The following DOCK9 variants were observed in gnomAD, a reference collection of about 807,000 sequenced individuals.
DOCK9 encodes the protein dedicator of cytokinesis protein 9.
A neutral mutation model predicts 263.3 loss-of-function variants in DOCK9; 89 were observed. The ratio of observed to expected loss-of-function variants is 0.34; its 90% CI spans 0.28 to 0.40. DOCK9 has a LOEUF of 0.40. DOCK9 is among the 10% of genes least tolerant of loss of function. The pLI, the probability that DOCK9 is intolerant of heterozygous loss-of-function variation, is 1.00. For missense variants in DOCK9, 2,140 were observed against 2,603.4 expected (o/e 0.82, Z 3.87); for synonymous variants, 976 against 973.1 (o/e 1.00, Z -0.06).
At chr13:99,080,066 C>G (rs1486683299) in intron 1 of DOCK9, among the ~76,000 whole-genome samples, 1 of 152,114 alleles carries the variant, frequency 6.6e-6, no homozygotes, top group African/African-American at 2.4e-5. Context: ...ACATAAATAT[C>G]CCTCTCCAGT....
intron 1 of DOCK9, among the ~76,000 whole-genome samples, chr13:99,085,780 T>C (rs1404208305): frequency 7.2e-6 from 1 of 139,448 alleles, no homozygotes; most frequent in Non-Finnish European, 1.5e-5. Context: ...GCAGACTGGA[T>C]GAGGAAGCCC....
intron 1 of DOCK9, among the ~76,000 whole-genome samples, chr13:98,988,660 T>A (rs1419058087): frequency 2.0e-5 from 3 of 152,244 alleles, no homozygotes; most frequent in African/African-American, 7.2e-5. Flanking sequence ...GACTTAAAAC[T>A]GAAGCTCAAC....
intron 9 of DOCK9, among the ~76,000 whole-genome samples, 190 bp downstream of exon 9, chr13:98,914,138 A>G (rs940875839): frequency 2.0e-4 from 30 of 152,334 alleles, no homozygotes; most frequent in African/African-American, 7.0e-4. Context: ...TTTGTAGGGT[A>G]CTTTTTAGAA....
At chr13:99,032,675 T>C (rs922009602) in intron 1 of DOCK9, among the ~76,000 whole-genome samples, 5 of 150,496 alleles carry the variant, frequency 3.3e-5, no homozygotes, top group Non-Finnish European at 7.5e-5. Context: ...ATGACATAAA[T>C]TTATTAATTT....
intron 49 of DOCK9, 34 bp downstream of exon 49, chr13:98,804,952 TGGCGAGGTGTCCG>T (rs772282824): frequency 6.5e-7 from 1 of 1,546,832 alleles, no homozygotes; most frequent in Non-Finnish European, 8.7e-7. Flanking sequence ...GACAGCTCTT[TGGCGAGGTGTCCG>T]GGCTCGTGTC....
intron 1 of DOCK9, among the ~76,000 whole-genome samples, chr13:98,983,330 C>T (rs1234286032): frequency 2.0e-5 from 3 of 152,032 alleles, no homozygotes; most frequent in African/African-American, 7.2e-5. Context: ...AGAAAAGGGG[C>T]CCGAAAATGA....
intron 35 of DOCK9, among the ~76,000 whole-genome samples, chr13:98,851,928 A>G (rs528105319): frequency 2.0e-5 from 3 of 152,338 alleles, no homozygotes; most frequent in African/African-American, 7.2e-5. Context: ...AACAATCGAT[A>G]ACTTGAAGAA....
intron 50 of DOCK9, among the ~76,000 whole-genome samples, chr13:98,798,510 C>A (rs2089717606): frequency 6.7e-6 from 1 of 148,162 alleles, no homozygotes; most frequent in African/African-American, 2.5e-5. Flanking sequence ...GTGGGGGGAA[C>A]TGTATTCATC....
chr13:98,892,181 G>A (rs1054749888), intron 15 of DOCK9, among the ~76,000 whole-genome samples: 1 of 152,182 alleles, frequency 6.6e-6, no homozygotes, highest in Non-Finnish European at 1.5e-5. Flanking sequence ...CTGTCTCTGT[G>A]TGAATGTAGA....
At chr13:98,937,115 A>G (rs1470774769) in intron 2 of DOCK9, among the ~76,000 whole-genome samples, 1 of 152,208 alleles carries the variant, frequency 6.6e-6, no homozygotes, top group Non-Finnish European at 1.5e-5. Flanking sequence ...TGCCCAACAT[A>G]AAGGTGGGCA....
At chr13:98,860,667 C>T (rs2093837627) in intron 32 of DOCK9, 145 bp from the exon 33 acceptor site, 1 of 259,774 alleles carries the variant, frequency 3.8e-6, no homozygotes, top group South Asian at 5.2e-5. Context: ...AGCCTTGAGG[C>T]GTGGGTGAGG....
At position 98,829,647 on chromosome 13, in the gene DOCK9, A is replaced by G; in HGVS notation, c.4745T>C (p.Ile1582Thr). Reference sequence around the variant, plus strand: ...AACATGGGCCAGGCTACCCACCTTAATAAGCCGGTCACTGTTGGCACAGTT... The same window carrying G: ...AACATGGGCCAGGCTACCCACCTTAGTAAGCCGGTCACTGTTGGCACAGTT... ...INNCANSDRL[I>T]KHTSFSSDVK... The change falls in exon 42 of 53, where the codon ATT (isoleucine) becomes ACT (threonine). Residue 1582 changes from isoleucine to threonine, a missense_variant. Coordinates refer to ENST00000682017, the MANE Select transcript of DOCK9 (RefSeq NM_001366683.2). The surrounding 1 kb of genome is among the most constrained non-coding windows in gnomAD (Gnocchi z 4.1). 1 of 1,601,752 alleles carries G rather than the reference A, an allele frequency of 6.2e-7. No homozygotes were observed. Among genetic ancestry groups the G allele is most frequent in the Non-Finnish European group, 8.5e-7 (1 of 1,173,694 alleles).
At chr13:98,863,677 T>C (rs2093940113) in intron 30 of DOCK9, 129 bp from the exon 31 acceptor site, 1 of 912,422 alleles carries the variant, frequency 1.1e-6, no homozygotes, top group African/African-American at 1.7e-5. Context: ...TGTCAAGAGA[T>C]GATCAGACTT....
chr13:98,864,522 A>G (rs1295691797), intron 30 of DOCK9, among the ~76,000 whole-genome samples: 1 of 152,206 alleles, frequency 6.6e-6, no homozygotes, highest in Non-Finnish European at 1.5e-5. Context: ...AAACCCTTTA[A>G]TAGAAGGGGG....
intron 39 of DOCK9, among the ~76,000 whole-genome samples, chr13:98,836,709 T>A (rs925763083): frequency 2.0e-5 from 3 of 151,840 alleles, no homozygotes; most frequent in African/African-American, 7.3e-5. Context: ...TATATAATAA[T>A]AAAGGGACAC....
At position 99,009,621 on chromosome 13, in the gene DOCK9, G is replaced by A. The variant is rs557573067; in HGVS notation, c.130-54070C>T. ...TTATTATTCCATTTTCACATACCTTGTCACTGATTATTCACTTACCTCTCA... is the reference window on the plus strand; with the variant it reads ...TTATTATTCCATTTTCACATACCTTATCACTGATTATTCACTTACCTCTCA... On this transcript the variant is annotated intron_variant, in intron 1 of 32. Transcript: ENST00000427887. 2.6e-5 allele frequency among the ~76,000 whole-genome samples: 4 copies of A among 151,986 alleles called. No homozygotes were observed. The East Asian group carries it at 5.8e-4, about 22-fold the overall frequency.
At position 98,845,062 on chromosome 13, in the gene DOCK9, G is replaced by A. The variant is rs557138476; in HGVS notation, c.4198+862C>T. Among the ~76,000 whole-genome samples the A allele has an allele frequency of 2.7e-4, 41 of 152,242 alleles. 1 individual carries two copies. In the South Asian group the frequency reaches 7.9e-3, roughly 29 times the overall value. On this transcript the variant is annotated intron_variant, in intron 38 of 52. Coordinates refer to ENST00000682017, the MANE Select transcript of DOCK9 (RefSeq NM_001366683.2). Reference sequence around the variant, plus strand: ...ATAAATGATCTCATCAATTTTTCACGTGCTGTATGGTTGATATCTTTCAGG... The same window carrying A: ...ATAAATGATCTCATCAATTTTTCACATGCTGTATGGTTGATATCTTTCAGG...
upstream of DOCK9, among the ~76,000 whole-genome samples, chr13:99,087,400 T>A (rs1383987592): frequency 1.3e-5 from 2 of 152,016 alleles, no homozygotes; most frequent in African/African-American, 4.8e-5. Context: ...TGGAAGGGGC[T>A]CAGGTGACAC....
chr13:99,033,684 G>C (rs1407033653), intron 1 of DOCK9, among the ~76,000 whole-genome samples: 1 of 152,198 alleles, frequency 6.6e-6, no homozygotes, highest in Admixed American at 6.5e-5. Flanking sequence ...AGTGATAAAA[G>C]TGAGGACACT....
Sources: allele counts gnomAD v4.1 joint callset (sites outside exome capture counted in the v4.1 genomes callset), GRCh38; gene constraint gnomAD v4.1.1; non-coding constraint Gnocchi (gnomAD v3.1); transcripts MANE v1.5; gene names NCBI Gene and HGNC (gene_info 2026-07-23, HGNC 2026-07-21).